Variants in UBE2W observed in about 807,000 individuals in gnomAD.
The protein encoded by UBE2W is ubiquitin conjugating enzyme E2 W, also known as ubiquitin-conjugating enzyme E2 W.
A neutral mutation model predicts 27.2 loss-of-function variants in UBE2W; 18 were observed. The observed-to-expected ratio is 0.66, with a 90% CI of 0.46 to 0.98. The LOEUF is 0.98. Among genes scored for constraint, UBE2W ranks in the 50% least tolerant of loss-of-function variants. The pLI is 0.00. For missense variants in UBE2W, 90 were observed against 180.2 expected, an observed-to-expected ratio of 0.50 and a Z score of 2.87; for synonymous variants, 53 against 57.2, an observed-to-expected ratio of 0.93 and a Z score of 0.33.
intron 1 of UBE2W, among the ~76,000 whole-genome samples, chr8:73,862,808 C>G (rs1811583159): frequency 7.4e-6 from 1 of 134,512 alleles, no homozygotes; most frequent in Non-Finnish European, 1.6e-5. Flanking sequence ...ATTTATGCAG[C>G]CAAAAAACAC....
Position 73,787,018 on chromosome 8 carries a change from TAC to T in UBE2W, c.*7082_*7083del. On this transcript the variant is annotated 3_prime_UTR_variant, in exon 6 of 6. Coordinates refer to ENST00000602593, the MANE Select transcript of UBE2W (RefSeq NM_018299.6). ...CCACATTAAGTCCCTGAAGGCCAGA[TAC>T]AGACATGAGAAGATATTTCCTACCT... 1.0e-6 allele frequency: 1 copy of T among 985,478 alleles called. No homozygotes were observed. The highest frequency in any genetic ancestry group is 1.2e-6 in the Non-Finnish European group (1 of 829,940). 61.0% of individuals were successfully genotyped at this position (985,478 alleles called of 1,614,324 possible).
At chr8:73,830,983 T>C (rs181599227) in intron 1 of UBE2W, among the ~76,000 whole-genome samples, 1 of 152,352 alleles carries the variant, frequency 6.6e-6, no homozygotes, top group Non-Finnish European at 1.5e-5. Context: ...ATTTCAACAC[T>C]AGAGCTTCCA....
At chr8:73,847,632 T>G (rs963899414) in intron 1 of UBE2W, among the ~76,000 whole-genome samples, 27 of 75,850 alleles carry the variant, frequency 3.6e-4, no homozygotes, top group African/African-American at 7.5e-4. Flanking sequence ...CCGGGTGCTG[T>G]GGCTCACACC....
At chr8:73,873,488 T>C (rs901342286) in intron 1 of UBE2W, among the ~76,000 whole-genome samples, 1 of 151,898 alleles carries the variant, frequency 6.6e-6, no homozygotes, top group African/African-American at 2.4e-5. Context: ...AAAAAACCCA[T>C]CTCTACAAAA....
chr8:73,860,036 A>C (rs542522017), intron 1 of UBE2W, among the ~76,000 whole-genome samples: 1 of 152,234 alleles, frequency 6.6e-6, no homozygotes, highest in African/African-American at 2.4e-5. Context: ...AAGCAGTCAC[A>C]TAATCTTACC....
chr8:73,837,091 T>C (rs1336404624), intron 1 of UBE2W, among the ~76,000 whole-genome samples: 1 of 152,210 alleles, frequency 6.6e-6, no homozygotes, highest in Non-Finnish European at 1.5e-5. Context: ...ACGCCATCAA[T>C]TGTAAGATGC....
chr8:73,823,736 T>A (rs1408466686), intron 3 of UBE2W, among the ~76,000 whole-genome samples: 1 of 152,184 alleles, frequency 6.6e-6, no homozygotes, highest in Non-Finnish European at 1.5e-5. Context: ...TAAAAATAAG[T>A]CCTAAAAGTC....
chr8:73,835,835 T>A (rs947286865), intron 1 of UBE2W, among the ~76,000 whole-genome samples: 2 of 152,148 alleles, frequency 1.3e-5, no homozygotes, highest in African/African-American at 4.8e-5. Context: ...AGCTATCATG[T>A]TGAGAACAGC....
At chr8:73,845,430 CAT>C (rs1240120577) in intron 1 of UBE2W, among the ~76,000 whole-genome samples, 3 of 152,140 alleles carry the variant, frequency 2.0e-5, no homozygotes, top group Non-Finnish European at 2.9e-5. Flanking sequence ...CTCTCTGAAA[CAT>C]GTGCTGTGTC....
Position 73,786,432 on chromosome 8 carries a change from G to C in UBE2W, c.*7670C>G, listed in dbSNP as rs1807956653. On this transcript the variant is annotated 3_prime_UTR_variant, in exon 6 of 6. Transcript: ENST00000602593. Reference sequence around the variant, plus strand: ...CTTATTAAATGCCTATGTGCTACAGGTACTGTATACTAGGTACTGTGTGCT... The same window carrying C: ...CTTATTAAATGCCTATGTGCTACAGCTACTGTATACTAGGTACTGTGTGCT... The C allele has an allele frequency of 2.0e-6, 2 of 984,172 alleles. No homozygotes were observed. The highest frequency in any genetic ancestry group is 2.4e-6 in the Non-Finnish European group (2 of 828,988). 61.0% of individuals were successfully genotyped at this position (984,172 alleles called of 1,614,324 possible).
chr8:73,788,715 A>G lies in UBE2W; in HGVS notation c.*5387T>C, dbSNP rs532718374. 113 of 985,424 alleles carry G rather than the reference A, an allele frequency of 1.1e-4. 1 individual carries two copies. In the South Asian group the frequency reaches 4.4e-3, roughly 38 times the overall value. The allele number at this position is 985,424 out of a possible 1,614,324, so 61.0% of individuals were successfully genotyped here. On this transcript the variant is annotated 3_prime_UTR_variant, in exon 6 of 6. Transcript: ENST00000602593. ...GAAATCATGCTTTTGCCTTTGAGAAAACAACTTAGAATTGTTGTAGGACCA... is the reference window on the plus strand; with the variant it reads ...GAAATCATGCTTTTGCCTTTGAGAAGACAACTTAGAATTGTTGTAGGACCA...
At chr8:73,809,798 C>T (rs1449311665) in intron 4 of UBE2W, among the ~76,000 whole-genome samples, 1 of 152,050 alleles carries the variant, frequency 6.6e-6, no homozygotes, top group Non-Finnish European at 1.5e-5. Context: ...CAGCTGGTCT[C>T]GAACTCCTGA....
At chr8:73,832,980 G>A (rs1404607975) in intron 1 of UBE2W, among the ~76,000 whole-genome samples, 2 of 152,124 alleles carry the variant, frequency 1.3e-5, no homozygotes, top group Admixed American at 1.3e-4. Flanking sequence ...GCAATGTCAA[G>A]AGTTCGAGAC....
rs186746220 is a variant in UBE2W, at chr8:73,819,515, A to G, written c.210+5632T>C. 3.3e-5 allele frequency among the ~76,000 whole-genome samples: 5 copies of G among 152,366 alleles called. No homozygotes were observed. In the East Asian group the frequency reaches 9.6e-4, roughly 29 times the overall value. ...TCTCTCAAGAAACAGTATTTGATACATAATTCATGCCCAATACATGTTGAA... is the reference window on the plus strand; with the variant it reads ...TCTCTCAAGAAACAGTATTTGATACGTAATTCATGCCCAATACATGTTGAA... On this transcript the variant is annotated intron_variant, in intron 3 of 5. Coordinates refer to ENST00000602593, the MANE Select transcript of UBE2W (RefSeq NM_018299.6).
chr8:73,841,372 C>A (rs1292007574), intron 1 of UBE2W, among the ~76,000 whole-genome samples: 2 of 152,096 alleles, frequency 1.3e-5, no homozygotes, highest in African/African-American at 4.8e-5. Flanking sequence ...ACATTTCTAA[C>A]AGTTACTTAT....
chr8:73,794,109 G>C lies in UBE2W; in HGVS notation c.449C>G (p.Thr150Ser), dbSNP rs1328307124. ...AGGATGATAACAGTGGCATCAACAAGTATCATCTTTAAGAAAAGGAGAAAA... is the reference window on the plus strand; with the variant it reads ...AGGATGATAACAGTGGCATCAACAACTATCATCTTTAAGAAAAGGAGAAAA... ...KKTKWWYHDD[T>S]C The change falls in exon 6 of 6, where the codon ACT (threonine) becomes AGT (serine). Residue 150 changes from threonine to serine, a missense_variant. Physicochemically the swap from Thr to Ser is moderately conservative, Grantham distance 58. Coordinates refer to ENST00000602593, the MANE Select transcript of UBE2W (RefSeq NM_018299.6). 5.0e-6 allele frequency: 8 copies of C among 1,613,204 alleles called. No homozygotes were observed. Among genetic ancestry groups the C allele is most frequent in the Middle Eastern group, 1.7e-4 (1 of 6,056 alleles).
intron 1 of UBE2W, among the ~76,000 whole-genome samples, chr8:73,833,099 C>A (rs1810149492): frequency 6.7e-6 from 1 of 148,928 alleles, no homozygotes; most frequent in Non-Finnish European, 1.5e-5. Flanking sequence ...GCAGAAGAAT[C>A]GCTTGAACCC....
chr8:73,815,657 C>T (rs903055065), intron 3 of UBE2W, among the ~76,000 whole-genome samples: 2 of 152,124 alleles, frequency 1.3e-5, no homozygotes, highest in African/African-American at 2.4e-5. Flanking sequence ...TGAGATCTTA[C>T]CACGAAGGAG....
chr8:73,866,910 C>T (rs1030863762), intron 1 of UBE2W, among the ~76,000 whole-genome samples: 2 of 150,938 alleles, frequency 1.3e-5, no homozygotes, highest in African/African-American at 4.9e-5. Context: ...GAGGCTGAGG[C>T]AGGAGAATCG....
Sources: gnomAD v4.1 joint callset for allele counts (sites outside exome capture counted in the v4.1 genomes callset) on GRCh38, gnomAD v4.1.1 for gene constraint, MANE v1.5 for transcripts, NCBI Gene and HGNC (gene_info 2026-07-23, HGNC 2026-07-21) for gene names.